RPS6KA5: variants seen among roughly 807,000 people sequenced by gnomAD.
RPS6KA5 encodes ribosomal protein S6 kinase alpha-5.
In RPS6KA5, 27 loss-of-function variants were observed where a neutral mutation model predicts 85.5. The ratio of observed to expected loss-of-function variants is 0.32; its 90% CI spans 0.23 to 0.44. RPS6KA5 has a LOEUF of 0.44. Among genes scored for constraint, RPS6KA5 ranks in the 20% least tolerant of loss-of-function variants. The pLI, the probability that RPS6KA5 is intolerant of heterozygous loss-of-function variation, is 1.00. For synonymous variants in RPS6KA5, 334 were observed against 348.2 expected (o/e 0.96, Z 0.46); for missense variants, 811 against 980.9 (o/e 0.83, Z 2.31).
rs1387488969 is a variant in RPS6KA5 at position 90,850,284 on chromosome 14, C to T, written c.*21790G>A. The T allele has an allele frequency of 1.3e-5, 2 of 152,116 alleles. No homozygotes were observed. Among genetic ancestry groups the T allele is most frequent in the Non-Finnish European group, 2.9e-5 (2 of 68,032 alleles). The allele number at this position is 152,116 out of a possible 1,614,324, so 9.4% of individuals were successfully genotyped here. A position where few individuals can be genotyped will look rare whatever the true frequency, so the allele number is the denominator to read the frequency against. On this transcript the variant is annotated 3_prime_UTR_variant, in exon 17 of 17. Coordinates refer to ENST00000614987, the MANE Select transcript of RPS6KA5 (RefSeq NM_004755.4). ...TAAGAGATGGTAATAAATCCAGCTGCTACAGAATGACAAGAAGAACAGTCA... is the reference window on the plus strand; with the variant it reads ...TAAGAGATGGTAATAAATCCAGCTGTTACAGAATGACAAGAAGAACAGTCA...
intron 6 of RPS6KA5, among the ~76,000 whole-genome samples, chr14:90,920,652 T>C (rs1009008754): frequency 2.6e-5 from 4 of 151,704 alleles, no homozygotes; most frequent in African/African-American, 9.7e-5. Flanking sequence ...CAGTGAGCCT[T>C]ATGAAATGTC....
intron 8 of RPS6KA5, among the ~76,000 whole-genome samples, chr14:90,904,192 G>A (rs775580346): frequency 5.9e-5 from 9 of 152,074 alleles, no homozygotes; most frequent in South Asian, 2.1e-4. Flanking sequence ...CTAGTGATCC[G>A]CCCACCTTGG....
chr14:90,853,767 A>G lies in RPS6KA5; in HGVS notation c.*18307T>C, dbSNP rs774218533. The G allele has an allele frequency of 6.6e-6, 1 of 152,020 alleles. No homozygotes were observed. The highest frequency in any genetic ancestry group is 2.4e-5 in the African/African-American group (1 of 41,432). The allele number at this position is 152,020 out of a possible 1,614,324, so 9.4% of individuals were successfully genotyped here. On this transcript the variant is annotated 3_prime_UTR_variant, in exon 17 of 17. Transcript: ENST00000614987. ...GAAAGCTAAATTAAAATAATCCTGG[A>G]GCTCTGGAATGTTATTCCCTCTTAA...
intron 1 of RPS6KA5, among the ~76,000 whole-genome samples, chr14:91,046,437 CAT>C (rs898623253): frequency 2.6e-5 from 4 of 152,132 alleles, no homozygotes; most frequent in African/African-American, 9.7e-5. Flanking sequence ...AGGTAAAAAA[CAT>C]AGGTAAAATC....
chr14:90,903,414 A>G (rs2035299455), intron 8 of RPS6KA5, among the ~76,000 whole-genome samples: 2 of 152,250 alleles, frequency 1.3e-5, no homozygotes, highest in African/African-American at 4.8e-5. Flanking sequence ...AGTGTTACTT[A>G]GCTCTCTGCC....
intron 2 of RPS6KA5, among the ~76,000 whole-genome samples, chr14:90,979,401 T>C (rs2039700629): frequency 6.6e-6 from 1 of 152,234 alleles, no homozygotes; most frequent in African/African-American, 2.4e-5. Flanking sequence ...CCTCTACAGT[T>C]AATCTGTTTA....
At chr14:90,891,518 C>CTAGTACTGAAAGAAAG (rs2034556812) in intron 13 of RPS6KA5, among the ~76,000 whole-genome samples, 1 of 152,050 alleles carries the variant, frequency 6.6e-6, no homozygotes, top group Admixed American at 6.6e-5. Flanking sequence ...TAAGTGAAAT[C>CTAGTACTGAAAGAAAG]TGATTATATC....
In RPS6KA5 at chr14:90,862,059, G is replaced by A. The variant is rs368561191; in HGVS notation, c.*10015C>T. On this transcript the variant is annotated 3_prime_UTR_variant, in exon 17 of 17. Coordinates refer to ENST00000614987, the MANE Select transcript of RPS6KA5 (RefSeq NM_004755.4). ...AATTACTAACGAACTAACATAGGAG[G>A]AAACAATGGACAAAAGAAAATATTT... The A allele has an allele frequency of 2.8e-4, 43 of 152,086 alleles. No individual in the cohort carries two copies. The highest frequency in any genetic ancestry group is 1.0e-3 in the African/African-American group (42 of 41,484). 9.4% of individuals were successfully genotyped at this position (152,086 alleles called of 1,614,324 possible).
At chr14:90,899,569 G>T in intron 11 of RPS6KA5, 147 bp from the exon 12 acceptor site, 1 of 557,950 alleles carries the variant, frequency 1.8e-6, no homozygotes, top group Non-Finnish European at 3.2e-6. Context: ...TGAAAGTAAT[G>T]AATTATACCA....
intron 1 of RPS6KA5, among the ~76,000 whole-genome samples, chr14:91,055,819 G>A (rs1026564072): frequency 5.3e-5 from 8 of 152,162 alleles, no homozygotes; most frequent in Non-Finnish European, 8.8e-5. Flanking sequence ...GTTCCACCTC[G>A]CTGTCTCTCA....
rs58737573 is a variant in RPS6KA5, at chr14:91,030,611, G to GAAAAAAAAAAAAAAAAAAAA, written c.104-29472_104-29453dup. On this transcript the variant is annotated intron_variant, in intron 1 of 16. Coordinates refer to ENST00000614987, the MANE Select transcript of RPS6KA5 (RefSeq NM_004755.4). ...AACATGCAAGACACCAAAATAAACAGAAAAAAAAAAAAAAAAAAAAAAAAA... is the reference window on the plus strand; with the variant it reads ...AACATGCAAGACACCAAAATAAACAGAAAAAAAAAAAAAAAAAAAAAAAAAAAAAAAAAAAAAAAAAAAAA... Among the ~76,000 whole-genome samples, 40 of 22,080 alleles carry GAAAAAAAAAAAAAAAAAAAA rather than the reference G, an allele frequency of 1.8e-3. 2 individuals are homozygous for GAAAAAAAAAAAAAAAAAAAA. The highest frequency in any genetic ancestry group is 6.3e-3 in the East Asian group (2 of 320). The allele number at this position is 22,080 out of a possible 152,430, so 14.5% of individuals were successfully genotyped here. A position where few individuals can be genotyped will look rare whatever the true frequency, so the allele number is the denominator to read the frequency against.
chr14:90,859,066 T>C lies in RPS6KA5; in HGVS notation c.*13008A>G, dbSNP rs948062191. Reference sequence around the variant, plus strand: ...GCTCTTAGTACTGAGGAGGGAAAGGTTGGAATTCAAGGTCACCGAGGTGAA... The same window carrying C: ...GCTCTTAGTACTGAGGAGGGAAAGGCTGGAATTCAAGGTCACCGAGGTGAA... On this transcript the variant is annotated 3_prime_UTR_variant, in exon 17 of 17. Transcript: ENST00000614987. 1 of 151,908 alleles carries C rather than the reference T, an allele frequency of 6.6e-6. No homozygotes were observed. The highest frequency in any genetic ancestry group is 2.1e-4 in the South Asian group (1 of 4,798). The allele number at this position is 151,908 out of a possible 1,614,324, so 9.4% of individuals were successfully genotyped here.
At chr14:91,024,987 T>C (rs972763622) in intron 1 of RPS6KA5, among the ~76,000 whole-genome samples, 4 of 152,094 alleles carry the variant, frequency 2.6e-5, no homozygotes, top group Non-Finnish European at 4.4e-5. Context: ...GTTGAAGTGA[T>C]TCTCCTGCCT....
Position 90,923,135 on chromosome 14 carries a change from C to G in RPS6KA5, c.680G>C (p.Gly227Ala), listed in dbSNP as rs993884899. The G allele has an allele frequency of 1.9e-6, 3 of 1,611,910 alleles. No homozygotes were observed. The African/African-American group carries it at 4.0e-5, about 22-fold the overall frequency. ...TACCTTGTCATGTCCTGAATCTCCC[C>G]CTCTGACAATATCTGGTGCCATGTA... ...IEYMAPDIVR[G>A]GDSGHDKAVD... Residue 227 changes from glycine to alanine, a missense_variant, in exon 6 of 17, where the codon GGG becomes GCG. Transcript: ENST00000614987.
chr14:90,894,512 G>A lies in RPS6KA5; in HGVS notation c.1545C>T (p.His515=). The A allele has an allele frequency of 6.2e-7, 1 of 1,614,138 alleles. No homozygotes were observed. The highest frequency in any genetic ancestry group is 8.5e-7 in the Non-Finnish European group (1 of 1,180,026). The change falls in exon 13 of 17, where the codon CAC becomes CAT. Residue 515 remains histidine (H), a synonymous_variant. Coordinates refer to ENST00000614987, the MANE Select transcript of RPS6KA5 (RefSeq NM_004755.4). Reference sequence around the variant, plus strand: ...TGTAGCTGGCTTCCGTCTCACTGAAGTGCTTCTTTTTCTTAATGCGCTCAA... The same window carrying A: ...TGTAGCTGGCTTCCGTCTCACTGAAATGCTTCTTTTTCTTAATGCGCTCAA... ...ELFERIKKKK[H]FSETEASYIM...
rs1405075108 is a variant in RPS6KA5 at position 91,060,598 on chromosome 14, C to T, written c.-164G>A. Reference sequence around the variant, plus strand: ...TCTTTCCCGCTCTGGCCGCACGGCTCGCTCCTCGCCTCCTCCCCCTTCGGC... The same window carrying T: ...TCTTTCCCGCTCTGGCCGCACGGCTTGCTCCTCGCCTCCTCCCCCTTCGGC... On this transcript the variant is annotated 5_prime_UTR_variant, in exon 1 of 17. Coordinates refer to ENST00000614987, the MANE Select transcript of RPS6KA5 (RefSeq NM_004755.4). The T allele has an allele frequency of 1.9e-5, 18 of 955,260 alleles. No homozygotes were observed. The highest frequency in any genetic ancestry group is 9.0e-5 in the South Asian group (2 of 22,340). 59.2% of individuals were successfully genotyped at this position (955,260 alleles called of 1,614,324 possible).
At chr14:91,006,351 T>C (rs1214651765) in intron 1 of RPS6KA5, among the ~76,000 whole-genome samples, 1 of 152,246 alleles carries the variant, frequency 6.6e-6, no homozygotes, top group Non-Finnish European at 1.5e-5. Context: ...TTCTATGATC[T>C]GAATGTTTGT....
chr14:90,995,979 A>G (rs2040499608), intron 2 of RPS6KA5, among the ~76,000 whole-genome samples: 1 of 152,084 alleles, frequency 6.6e-6, no homozygotes, highest in Non-Finnish European at 1.5e-5. Flanking sequence ...TCAGCTACTC[A>G]CGAGGTGGAA....
At position 90,859,029 on chromosome 14, in the gene RPS6KA5, A is replaced by C. The variant is rs1426554980; in HGVS notation, c.*13045T>G. Reference sequence around the variant, plus strand: ...GCAAAAAGCAGCAGATGAGAGGCTAACGAGCTGAGCAGCTCTTAGTACTGA... The same window carrying C: ...GCAAAAAGCAGCAGATGAGAGGCTACCGAGCTGAGCAGCTCTTAGTACTGA... On this transcript the variant is annotated 3_prime_UTR_variant, in exon 17 of 17. Coordinates refer to ENST00000614987, the MANE Select transcript of RPS6KA5 (RefSeq NM_004755.4). The C allele has an allele frequency of 6.6e-6, 1 of 152,274 alleles. No individual in the cohort carries two copies. The highest frequency in any genetic ancestry group is 1.9e-4 in the East Asian group (1 of 5,194). The allele number at this position is 152,274 out of a possible 1,614,324, so 9.4% of individuals were successfully genotyped here. A position where few individuals can be genotyped will look rare whatever the true frequency, so the allele number is the denominator to read the frequency against.
Sources: allele counts gnomAD v4.1 joint callset (sites outside exome capture counted in the v4.1 genomes callset), GRCh38; gene constraint gnomAD v4.1.1; transcripts MANE v1.5; gene names NCBI Gene and HGNC (gene_info 2026-07-23, HGNC 2026-07-21).